MFSD12: variants seen among roughly 807,000 people sequenced by gnomAD.
MFSD12 encodes major facilitator superfamily domain-containing protein 12.
In MFSD12, 67 loss-of-function variants were observed where a neutral mutation model predicts 51.2. That is an observed-to-expected ratio of 1.31 (90% CI 1.08 to 1.60). MFSD12 has a LOEUF of 1.60. MFSD12 is among the 40% of genes most tolerant of loss of function. MFSD12 has a pLI of 0.00. For synonymous variants in MFSD12, 441 were observed against 316.7 expected (o/e 1.39, Z -4.17); for missense variants, 921 against 673.0 (o/e 1.37, Z -4.08).
At chr19:3,547,635 G>A (rs1040314350) in intron 4 of MFSD12, 88 bp from the exon 5 acceptor site, 38 of 1,299,220 alleles carry the variant, frequency 2.9e-5, no homozygotes, top group Middle Eastern at 2.4e-4. Flanking sequence ...CAGGGTGGGC[G>A]CCCTGCAGCT....
At position 3,546,056 on chromosome 19, in the gene MFSD12, A is replaced by T; in HGVS notation, c.1289+18T>A. Reference sequence around the variant, plus strand: ...TCTTACTGAACAAAAGAATGAATGAACGAACAGCGGCACTCACGGGCAAGG... The same window carrying T: ...TCTTACTGAACAAAAGAATGAATGATCGAACAGCGGCACTCACGGGCAAGG... On this transcript the variant is annotated intron_variant, in intron 8 of 9. Coordinates refer to ENST00000355415, the MANE Select transcript of MFSD12 (RefSeq NM_174983.5). 6.2e-7 allele frequency: 1 copy of T among 1,611,710 alleles called. No homozygotes were observed. The highest frequency in any genetic ancestry group is 8.5e-7 in the Non-Finnish European group (1 of 1,178,642).
chr19:3,555,417 C>T (rs61018866), intron 1 of MFSD12, among the ~76,000 whole-genome samples: 12,789 of 152,098 alleles, frequency 0.084, 679 homozygotes, highest in South Asian at 0.17. Context: ...AATTATCTTA[C>T]GCGACTGTCA....
At chr19:3,538,812 G>T in intron 4 of MFSD12, 1 of 551,446 alleles carries the variant, frequency 1.8e-6, no homozygotes, top group East Asian at 4.8e-5. Flanking sequence ...GAGGAGCTGG[G>T]GTGACAGGTG....
Position 3,544,415 on chromosome 19 carries a change from C to T in MFSD12, c.*295G>A. On this transcript the variant is annotated 3_prime_UTR_variant, in exon 10 of 10. Coordinates refer to ENST00000355415, the MANE Select transcript of MFSD12 (RefSeq NM_174983.5). ...CTCAGGGTTAGGGTTCCCCCAGACC[C>T]TTCTGGGATTCCTACTTCCTGTTCC... The T allele has an allele frequency of 7.5e-7, 1 of 1,326,962 alleles. No individual in the cohort carries two copies. Among genetic ancestry groups the T allele is most frequent in the East Asian group, 2.8e-5 (1 of 35,396 alleles). The allele number at this position is 1,326,962 out of a possible 1,614,324, so 82.2% of individuals were successfully genotyped here. A position where few individuals can be genotyped will look rare whatever the true frequency, so the allele number is the denominator to read the frequency against.
rs138432732 is a variant in MFSD12, at chr19:3,545,391, T to G, written c.1290-452A>C. Among the ~76,000 whole-genome samples the G allele has an allele frequency of 5.3e-3, 803 of 152,224 alleles. 12 individuals are homozygous for G. The highest frequency in any genetic ancestry group is 0.019 in the African/African-American group (769 of 41,514). ...ATGGCCCACCAGGCCCTGCACGACC[T>G]GCCCTCCCCTCCTCCCTCTACTCCA... is the stretch of plus-strand genomic sequence containing the variant. On this transcript the variant is annotated intron_variant, in intron 8 of 9. Transcript: ENST00000355415.
At chr19:3,542,862 G>A, downstream of MFSD12, 2 of 1,387,928 alleles carry the variant, frequency 1.4e-6, no homozygotes, top group Non-Finnish European at 1.9e-6. Context: ...TCCAGGCCAG[G>A]GGGGCTTCCC....
At chr19:3,539,241 T>C (rs1175499434), downstream of MFSD12, 6 of 1,549,032 alleles carry the variant, frequency 3.9e-6, no homozygotes, top group Non-Finnish European at 5.2e-6. Flanking sequence ...CGAGGCCAGC[T>C]TCCCAGCACC....
At position 3,557,160 on chromosome 19, in the gene MFSD12, G is replaced by C. The variant is rs1433985410; in HGVS notation, c.244C>G (p.Arg82Gly). 1 of 1,523,732 alleles carries C rather than the reference G, an allele frequency of 6.6e-7. No homozygotes were observed. Among genetic ancestry groups the C allele is most frequent in the African/African-American group, 1.4e-5 (1 of 69,642 alleles). The allele number at this position is 1,523,732 out of a possible 1,614,324, so 94.4% of individuals were successfully genotyped here. The change falls in exon 1 of 10, where the codon CGC (arginine) becomes GGC (glycine). Residue 82 changes from arginine to glycine, a missense_variant. Transcript: ENST00000355415. ...CTPLVGYEAD[R>G]AASCCARYGP... ...TAGCGGGCGCAGCAGCTGGCGGCGC[G>C]GTCGGCCTCGTAGCCCACGAGCGGT...
At chr19:3,547,163 G>A in intron 6 of MFSD12, 109 bp downstream of exon 6, 1 of 970,374 alleles carries the variant, frequency 1.0e-6, no homozygotes, top group South Asian at 1.4e-5. Context: ...TACAAGGCGG[G>A]AACTCGGAGG....
chr19:3,553,875 A>G (rs748079296), intron 1 of MFSD12, among the ~76,000 whole-genome samples: 1 of 151,488 alleles, frequency 6.6e-6, no homozygotes, highest in Non-Finnish European at 1.5e-5. Flanking sequence ...TGAGGTCAGG[A>G]GTTCGAGACC....
At chr19:3,542,965 C>T (rs1054495713), downstream of MFSD12, 7 of 1,537,406 alleles carry the variant, frequency 4.6e-6, no homozygotes, top group Admixed American at 1.7e-5. Context: ...CCCTCTTCTC[C>T]AGGCAAGAAA....
At chr19:3,543,039 G>A, downstream of MFSD12, 3 of 1,606,406 alleles carry the variant, frequency 1.9e-6, no homozygotes, top group Non-Finnish European at 1.7e-6. Flanking sequence ...GGGGAGAGGG[G>A]GAGTCAGCCT....
chr19:3,546,695 G>A (rs1180820343), intron 6 of MFSD12, among the ~76,000 whole-genome samples: 7 of 152,216 alleles, frequency 4.6e-5, no homozygotes, highest in South Asian at 2.1e-4. Flanking sequence ...CGACGGACTC[G>A]GCTCAGTCCC....
intron 1 of MFSD12, among the ~76,000 whole-genome samples, chr19:3,554,018 G>A (rs1183761748): frequency 1.3e-5 from 2 of 151,902 alleles, no homozygotes; most frequent in African/African-American, 4.8e-5. Context: ...GGAGGTTGAG[G>A]TTGCAGTGAG....
At chr19:3,543,481 C>CG, downstream of MFSD12, 1 of 404,688 alleles carries the variant, frequency 2.5e-6, no homozygotes, top group Non-Finnish European at 3.3e-6. Flanking sequence ...CGGGTGAGTG[C>CG]CCCCCCCCCC....
intron 1 of MFSD12, among the ~76,000 whole-genome samples, chr19:3,552,143 G>A (rs895374790): frequency 6.6e-6 from 1 of 151,898 alleles, no homozygotes; most frequent in East Asian, 1.9e-4. Context: ...GGGAGACCCA[G>A]CATGGAACTC....
At chr19:3,546,027 C>A (rs1288867006) in intron 8 of MFSD12, 47 bp downstream of exon 8, 11 of 1,593,196 alleles carry the variant, frequency 6.9e-6, no homozygotes, top group Admixed American at 5.0e-5. Flanking sequence ...GGCGCTTAAT[C>A]CCCTCTTACT....
chr19:3,554,123 G>C (rs919609040), intron 1 of MFSD12, among the ~76,000 whole-genome samples: 2 of 151,792 alleles, frequency 1.3e-5, no homozygotes, highest in African/African-American at 4.8e-5. Context: ...AAAAAAAGAA[G>C]AGAAAGAAGG....
chr19:3,556,802 G>C lies in MFSD12; in HGVS notation c.298+304C>G, dbSNP rs184586109. On this transcript the variant is annotated intron_variant, in intron 1 of 9. Transcript: ENST00000355415. ...AGGTCCCAGGCAGGCAGAGAGAGGGGGCTGGGTGGTGGGACTGATGGAGGA... is the reference window on the plus strand; with the variant it reads ...AGGTCCCAGGCAGGCAGAGAGAGGGCGCTGGGTGGTGGGACTGATGGAGGA... Among the ~76,000 whole-genome samples, 182 of 138,198 alleles carry C rather than the reference G, an allele frequency of 1.3e-3. 1 individual carries two copies. The highest frequency in any genetic ancestry group is 1.0e-3 in the Non-Finnish European group (65 of 63,034). The allele number at this position is 138,198 out of a possible 152,430, so 90.7% of individuals were successfully genotyped here.
Sources: allele counts gnomAD v4.1 joint callset (sites outside exome capture counted in the v4.1 genomes callset), GRCh38; gene constraint gnomAD v4.1.1; transcripts MANE v1.5; gene names NCBI Gene and HGNC (gene_info 2026-07-23, HGNC 2026-07-21).